The following LIMK1 variants were observed in gnomAD, a reference collection of about 807,000 sequenced individuals.
LIMK1 encodes LIM domain kinase 1.
A neutral mutation model predicts 77.6 loss-of-function variants in LIMK1; 21 were observed. That is an observed-to-expected ratio of 0.27 (90% CI 0.19 to 0.39). The LOEUF (loss-of-function observed/expected upper bound fraction) is 0.39, where lower values mean the gene tolerates loss of function less well. Ranked by LOEUF, LIMK1 falls within the 10% of genes least tolerant of loss-of-function variation. The pLI is 1.00. For missense variants in LIMK1, 696 were observed against 901.6 expected, an observed-to-expected ratio of 0.77 and a Z score of 2.92; for synonymous variants, 358 against 370.0, an observed-to-expected ratio of 0.97 and a Z score of 0.37.
chr7:74,101,801 C>CATATATATATATATATATATATAT (rs10552134), intron 5 of LIMK1, among the ~76,000 whole-genome samples: 2 of 146,114 alleles, frequency 1.4e-5, no homozygotes, highest in African/African-American at 5.1e-5. Context: ...ATATGTATGT[C>CATATATATATATATATATATATAT]ATATATATAT....
rs577287799 is a variant in LIMK1, at chr7:74,096,783, A to G, written c.291+23A>G. 41 of 1,570,460 alleles carry G rather than the reference A, an allele frequency of 2.6e-5. 1 individual carries two copies. The South Asian group carries it at 3.1e-4, about 12-fold the overall frequency. The stretch of plus-strand genomic sequence containing the variant: ...ATGGTGAGCGCCCCCTGCCTTGCAC[A>G]CTCACCTGGGGTGGGGGTATCCAAG... On this transcript the variant is annotated intron_variant, in intron 3 of 15. Transcript: ENST00000336180.
chr7:74,085,141 G>A (rs1232756061), intron 1 of LIMK1, among the ~76,000 whole-genome samples: 2 of 152,230 alleles, frequency 1.3e-5, no homozygotes, highest in Non-Finnish European at 2.9e-5. Context: ...GCATGCCTGT[G>A]GCTGGCTAGA....
At position 74,121,561 on chromosome 7, in the gene LIMK1, C is replaced by T. The variant is rs1799940701; in HGVS notation, c.*260C>T. 4.2e-6 allele frequency: 2 copies of T among 473,268 alleles called. No homozygotes were observed. Among genetic ancestry groups the T allele is most frequent in the East Asian group, 6.8e-5 (2 of 29,598 alleles). 29.3% of individuals were successfully genotyped at this position (473,268 alleles called of 1,614,324 possible). On this transcript the variant is annotated 3_prime_UTR_variant, in exon 16 of 16. Transcript: ENST00000336180. ...GTCTTGGCAGGGCTGTCCCCTCTTG[C>T]TTCTCCTTGCATGAGCTGGAGGGCC...
At chr7:74,084,172 C>T in intron 1 of LIMK1, 127 bp downstream of exon 1, 2 of 357,810 alleles carry the variant, frequency 5.6e-6, no homozygotes, top group Non-Finnish European at 1.0e-5. Flanking sequence ...CTCGTCCTTA[C>T]GAAGCCCGCA....
chr7:74,099,652 C>G (rs1373194762), intron 5 of LIMK1, among the ~76,000 whole-genome samples: 1 of 151,906 alleles, frequency 6.6e-6, no homozygotes, highest in Non-Finnish European at 1.5e-5. Context: ...ATCACTTGAA[C>G]CCAGGAGGTG....
intron 12 of LIMK1, 71 bp from the exon 13 acceptor site, chr7:74,115,731 C>T (rs1186148576): frequency 1.3e-6 from 2 of 1,555,192 alleles, no homozygotes; most frequent in Non-Finnish European, 1.8e-6. Context: ...GGCTTGGGGT[C>T]CTGGGGAGGG....
chr7:74,113,856 C>T (rs1023826924), intron 12 of LIMK1, among the ~76,000 whole-genome samples: 1 of 151,712 alleles, frequency 6.6e-6, no homozygotes, highest in African/African-American at 2.4e-5. Context: ...AGTTGGAAGG[C>T]TAGGTGGGAG....
intron 13 of LIMK1, among the ~76,000 whole-genome samples, chr7:74,118,193 GA>G (rs1162369752): frequency 6.6e-6 from 1 of 151,136 alleles, no homozygotes; most frequent in Non-Finnish European, 1.5e-5. Context: ...TGGTCAACAT[GA>G]TGAAACCCCA....
chr7:74,097,029 G>T, intron 3 of LIMK1, 51 bp from the exon 4 acceptor site: 2 of 1,399,988 alleles, frequency 1.4e-6, no homozygotes, highest in East Asian at 2.3e-5. Flanking sequence ...GGATCTGTGG[G>T]GGTTGTTGGG....
At chr7:74,114,579 A>C (rs1480990055) in intron 12 of LIMK1, among the ~76,000 whole-genome samples, 1 of 150,798 alleles carries the variant, frequency 6.6e-6, no homozygotes, top group Non-Finnish European at 1.5e-5. Flanking sequence ...ATCAAACCCG[A>C]AAAGCAAAAA....
At chr7:74,113,800 G>A (rs1268140765) in intron 12 of LIMK1, among the ~76,000 whole-genome samples, 2 of 151,626 alleles carry the variant, frequency 1.3e-5, no homozygotes, top group Non-Finnish European at 2.9e-5. Context: ...TCTTAATACC[G>A]TTAGAGTCAG....
In LIMK1 at chr7:74,121,580, G is replaced by A; in HGVS notation, c.*279G>A. 4.5e-6 allele frequency: 2 copies of A among 447,658 alleles called. No homozygotes were observed. Among genetic ancestry groups the A allele is most frequent in the Non-Finnish European group, 7.9e-6 (2 of 252,462 alleles). The allele number at this position is 447,658 out of a possible 1,614,324, so 27.7% of individuals were successfully genotyped here. A position where few individuals can be genotyped will look rare whatever the true frequency, so the allele number is the denominator to read the frequency against. On this transcript the variant is annotated 3_prime_UTR_variant, in exon 16 of 16. Coordinates refer to ENST00000336180, the MANE Select transcript of LIMK1 (RefSeq NM_002314.4). ...CTCTTGCTTCTCCTTGCATGAGCTGGAGGGCCTGTGTGAGTTACGCCCCTT... is the reference window on the plus strand; with the variant it reads ...CTCTTGCTTCTCCTTGCATGAGCTGAAGGGCCTGTGTGAGTTACGCCCCTT...
intron 2 of LIMK1, among the ~76,000 whole-genome samples, chr7:74,088,167 G>A (rs1278570631): frequency 1.3e-5 from 2 of 152,176 alleles, no homozygotes; most frequent in Admixed American, 6.6e-5. Context: ...TTAGATATTA[G>A]TGCTGTCTTT....
chr7:74,114,978 C>T (rs1446181925), intron 12 of LIMK1, among the ~76,000 whole-genome samples: 1 of 151,254 alleles, frequency 6.6e-6, no homozygotes, highest in Non-Finnish European at 1.5e-5. Flanking sequence ...AATCCCAGCA[C>T]TTTGAAAGGC....
At chr7:74,093,939 ACTCCGGCGTG>A (rs1799287550) in intron 2 of LIMK1, 3 of 152,266 alleles carry the variant, frequency 2.0e-5, no homozygotes, top group South Asian at 2.1e-4. Context: ...AGGGACAGGA[ACTCCGGCGTG>A]CTCTCCATCC....
In LIMK1 at chr7:74,108,994, G is replaced by A. The variant is rs782245339; in HGVS notation, c.1242G>A (p.Glu414=). The A allele has an allele frequency of 2.5e-6, 4 of 1,613,958 alleles. No individual in the cohort carries two copies. The highest frequency in any genetic ancestry group is 3.4e-6 in the Non-Finnish European group (4 of 1,180,004). Reference sequence around the variant, plus strand: ...ACAAGAGGCTCAACTTCATCACTGAGTACATCAAGGGCGGCACGCTCCGGG... The same window carrying A: ...ACAAGAGGCTCAACTTCATCACTGAATACATCAAGGGCGGCACGCTCCGGG... ...YKDKRLNFIT[E]YIKGGTLRGI... is the part of the protein sequence containing the mutation. Residue 414 remains glutamate, a synonymous_variant, in exon 10 of 16, where the codon GAG becomes GAA. Coordinates refer to ENST00000336180, the MANE Select transcript of LIMK1 (RefSeq NM_002314.4).
At chr7:74,085,700 A>G (rs782161182) in intron 1 of LIMK1, 48 bp from the exon 2 acceptor site, 17 of 1,467,518 alleles carry the variant, frequency 1.2e-5, no homozygotes, top group African/African-American at 1.4e-5. Context: ...GGCCTGCACC[A>G]GATCACACTT....
intron 12 of LIMK1, among the ~76,000 whole-genome samples, chr7:74,113,363 C>T (rs1799741741): frequency 6.6e-6 from 1 of 151,976 alleles, no homozygotes; most frequent in Admixed American, 6.6e-5. Flanking sequence ...CTGTGGCTCA[C>T]GCCTGTAATC....
In LIMK1 at chr7:74,119,506, A is replaced by G. The variant is rs1358587956; in HGVS notation, c.1568-1077A>G. On this transcript the variant is annotated intron_variant, in intron 13 of 15. Coordinates refer to ENST00000336180, the MANE Select transcript of LIMK1 (RefSeq NM_002314.4). ...GTACCGATTATTTTTAACATCATTA[A>G]GTAGCTGGTATCATTCCCATTTTAC... 4.6e-5 allele frequency among the ~76,000 whole-genome samples: 7 copies of G among 152,078 alleles called. No individual in the cohort carries two copies. In the East Asian group the frequency reaches 1.4e-3, roughly 29 times the overall value.
Sources: allele counts gnomAD v4.1 joint callset (sites outside exome capture counted in the v4.1 genomes callset), GRCh38; gene constraint gnomAD v4.1.1; transcripts MANE v1.5; gene names NCBI Gene and HGNC (gene_info 2026-07-23, HGNC 2026-07-21).